PRKAR2B: variants seen among roughly 807,000 people sequenced by gnomAD.
PRKAR2B encodes the protein protein kinase cAMP-dependent type II regulatory subunit beta.
A neutral mutation model predicts 49.9 loss-of-function variants in PRKAR2B; 14 were observed. The observed-to-expected ratio is 0.28, with a 90% CI of 0.19 to 0.44. The LOEUF (loss-of-function observed/expected upper bound fraction) is 0.44, where lower values mean the gene tolerates loss of function less well. Among genes scored for constraint, PRKAR2B ranks in the 20% least tolerant of loss-of-function variants. PRKAR2B has a pLI of 1.00. For missense variants in PRKAR2B, 393 were observed against 537.9 expected (o/e 0.73, Z 2.67); for synonymous variants, 196 against 197.7 (o/e 0.99, Z 0.07).
At chr7:107,112,878 C>G (rs1054279559) in intron 2 of PRKAR2B, among the ~76,000 whole-genome samples, 1 of 151,958 alleles carries the variant, frequency 6.6e-6, no homozygotes, top group South Asian at 2.1e-4. Flanking sequence ...TTTTAGACTT[C>G]TGATAATCAG....
chr7:107,125,697 T>C (rs1369293751), intron 3 of PRKAR2B, among the ~76,000 whole-genome samples: 1 of 151,928 alleles, frequency 6.6e-6, no homozygotes, highest in Non-Finnish European at 1.5e-5. Flanking sequence ...GGACTCTGAG[T>C]GCTGAGGAGT....
At chr7:107,074,262 C>T (rs958162434) in intron 2 of PRKAR2B, among the ~76,000 whole-genome samples, 1 of 151,646 alleles carries the variant, frequency 6.6e-6, no homozygotes, top group African/African-American at 2.4e-5. Context: ...CGCCACCATG[C>T]CTGGCTAATT....
chr7:107,145,163 G>A (rs1176540056), intron 5 of PRKAR2B, among the ~76,000 whole-genome samples: 1 of 152,186 alleles, frequency 6.6e-6, no homozygotes, highest in African/African-American at 2.4e-5. Flanking sequence ...GGGCCAGAGA[G>A]TAAATATTTT....
At chr7:107,098,999 A>C (rs1794903929) in intron 2 of PRKAR2B, among the ~76,000 whole-genome samples, 1 of 152,176 alleles carries the variant, frequency 6.6e-6, no homozygotes, top group African/African-American at 2.4e-5. Context: ...GTCCATTCTC[A>C]GATCTCAAAC....
At chr7:107,110,820 G>A (rs1052495103) in intron 2 of PRKAR2B, among the ~76,000 whole-genome samples, 2 of 152,092 alleles carry the variant, frequency 1.3e-5, no homozygotes, top group African/African-American at 4.8e-5. Flanking sequence ...GCTGGCTTCA[G>A]GTGAGACTTT....
At chr7:107,055,280 C>T (rs1434180157) in intron 1 of PRKAR2B, among the ~76,000 whole-genome samples, 1 of 152,182 alleles carries the variant, frequency 6.6e-6, no homozygotes, top group Non-Finnish European at 1.5e-5. Context: ...TACATGTGTG[C>T]ATGTGTCTTT....
intron 2 of PRKAR2B, among the ~76,000 whole-genome samples, chr7:107,103,518 G>T (rs1795014006): frequency 6.6e-6 from 1 of 152,212 alleles, no homozygotes. Context: ...CGGACATGCA[G>T]GAAGTCTAGA....
intron 1 of PRKAR2B, among the ~76,000 whole-genome samples, chr7:107,057,960 G>T (rs1212502031): frequency 6.6e-6 from 1 of 151,712 alleles, no homozygotes; most frequent in Non-Finnish European, 1.5e-5. Flanking sequence ...AAATCTTTTA[G>T]TTAAGTGTTT....
At chr7:107,107,942 T>TG (rs58228325) in intron 2 of PRKAR2B, among the ~76,000 whole-genome samples, 24,268 of 152,062 alleles carry the variant, frequency 0.16, 3,068 homozygotes, top group African/African-American at 0.35. Flanking sequence ...AGGCGTGAGA[T>TG]GCTGTGCCCG....
intron 2 of PRKAR2B, among the ~76,000 whole-genome samples, chr7:107,097,787 A>G (rs1041823227): frequency 6.6e-6 from 1 of 152,200 alleles, no homozygotes; most frequent in South Asian, 2.1e-4. Flanking sequence ...TTGGCTGGAT[A>G]TGAAATTCTG....
intron 8 of PRKAR2B, among the ~76,000 whole-genome samples, chr7:107,154,077 AGT>A (rs1016075414): frequency 1.3e-5 from 2 of 151,342 alleles, no homozygotes; most frequent in Non-Finnish European, 3.0e-5. Flanking sequence ...CCCATTGCTG[AGT>A]GTGTGTGTGT....
At chr7:107,116,604 CA>C (rs1346453637) in intron 2 of PRKAR2B, among the ~76,000 whole-genome samples, 1 of 151,862 alleles carries the variant, frequency 6.6e-6, no homozygotes, top group African/African-American at 2.4e-5. Flanking sequence ...CCCCACATTT[CA>C]AAAAAATATT....
At chr7:107,155,071 G>A (rs890722357) in intron 8 of PRKAR2B, among the ~76,000 whole-genome samples, 1 of 146,398 alleles carries the variant, frequency 6.8e-6, no homozygotes, top group Non-Finnish European at 1.5e-5. Context: ...GCATGTCTCG[G>A]CACTTCCTCA....
intron 5 of PRKAR2B, 98 bp from the exon 6 acceptor site, chr7:107,146,209 GA>G (rs1336860923): frequency 7.9e-7 from 1 of 1,263,734 alleles, no homozygotes; most frequent in Non-Finnish European, 1.1e-6. Flanking sequence ...TAACAGGCTG[GA>G]AATAAGATTT....
At chr7:107,100,464 G>A (rs1395579730) in intron 2 of PRKAR2B, among the ~76,000 whole-genome samples, 3 of 152,174 alleles carry the variant, frequency 2.0e-5, no homozygotes, top group Admixed American at 6.6e-5. Flanking sequence ...TAAAATGTGT[G>A]TGGGTATGGA....
chr7:107,119,436 G>T (rs575165125), intron 2 of PRKAR2B, among the ~76,000 whole-genome samples: 1 of 151,234 alleles, frequency 6.6e-6, no homozygotes, highest in Non-Finnish European at 1.5e-5. Flanking sequence ...TTTTTGTTTC[G>T]TTTTGTTTTG....
chr7:107,062,333 A>G (rs776680204), intron 1 of PRKAR2B, among the ~76,000 whole-genome samples: 61 of 152,262 alleles, frequency 4.0e-4, no homozygotes, highest in Non-Finnish European at 6.9e-4. Context: ...AGAATATTAA[A>G]GAATATTTAT....
chr7:107,080,293 G>T (rs938168572), intron 2 of PRKAR2B, among the ~76,000 whole-genome samples: 9 of 152,106 alleles, frequency 5.9e-5, no homozygotes, highest in African/African-American at 1.9e-4. Context: ...GAGAAGGAGT[G>T]TTCTTGGAGA....
chr7:107,121,953 A>G lies in PRKAR2B; in HGVS notation c.345A>G (p.Val115=). The change falls in exon 3 of 11, where the codon GTA becomes GTG. Residue 115 remains valine, a splice_region_variant and synonymous_variant. Coordinates refer to ENST00000265717, the MANE Select transcript of PRKAR2B (RefSeq NM_002736.3). The part of the protein sequence containing the change: ...VINRFTRRAS[V]CAEAYNPDEE... ...AGATGTTCATTTTTGTTTTTATAGTATGTGCAGAAGCTTATAATCCTGATG... is the reference window on the plus strand; with the variant it reads ...AGATGTTCATTTTTGTTTTTATAGTGTGTGCAGAAGCTTATAATCCTGATG... 1 of 1,582,222 alleles carries G rather than the reference A, an allele frequency of 6.3e-7. No homozygotes were observed. The highest frequency in any genetic ancestry group is 8.6e-7 in the Non-Finnish European group (1 of 1,158,096).
Sources: gnomAD v4.1 joint callset for allele counts (sites outside exome capture counted in the v4.1 genomes callset) on GRCh38, gnomAD v4.1.1 for gene constraint, MANE v1.5 for transcripts, NCBI Gene and HGNC (gene_info 2026-07-23, HGNC 2026-07-21) for gene names.